ANXA7: variants seen among roughly 807,000 people sequenced by gnomAD.
ANXA7 encodes annexin A7, also known as annexin VII.
Under a neutral mutation model 64.9 loss-of-function variants are expected in ANXA7, and 55 were observed. The observed-to-expected ratio is 0.85, with a 90% CI of 0.68 to 1.06. The LOEUF (loss-of-function observed/expected upper bound fraction) is 1.06, where lower values mean the gene tolerates loss of function less well. Among genes scored for constraint, ANXA7 ranks in the 50% least tolerant of loss-of-function variants. ANXA7 has a pLI of 0.00. For synonymous variants in ANXA7, 200 were observed against 192.4 expected (o/e 1.04, Z -0.33); for missense variants, 548 against 582.1 (o/e 0.94, Z 0.60).
At chr10:73,393,611 G>C (rs2055521609) in intron 5 of ANXA7, among the ~76,000 whole-genome samples, 4 of 152,076 alleles carry the variant, frequency 2.6e-5, no homozygotes, top group Admixed American at 2.0e-4. Context: ...AATGGGGAAA[G>C]GATTCCCTAT....
intron 7 of ANXA7, among the ~76,000 whole-genome samples, chr10:73,384,432 C>T (rs564286551): frequency 4.1e-4 from 63 of 152,144 alleles, no homozygotes; most frequent in Admixed American, 9.2e-4. Context: ...GACAGAGTCT[C>T]GCTCTGTGGC....
intron 8 of ANXA7, 26 bp downstream of exon 8, chr10:73,383,551 T>C: frequency 6.5e-7 from 1 of 1,528,798 alleles, no homozygotes; most frequent in Non-Finnish European, 9.0e-7. Context: ...GACAAAATAT[T>C]CATAATAAAT....
chr10:73,400,293 A>G (rs180734282), intron 2 of ANXA7, among the ~76,000 whole-genome samples: 372 of 152,234 alleles, frequency 2.4e-3, no homozygotes, highest in African/African-American at 8.5e-3. Context: ...CTACAAATCC[A>G]CTGCAATTTA....
intron 5 of ANXA7, among the ~76,000 whole-genome samples, chr10:73,392,964 G>C (rs532785953): frequency 7.2e-5 from 11 of 152,280 alleles, no homozygotes; most frequent in African/African-American, 2.6e-4. Flanking sequence ...CATTGTCTCA[G>C]CCCAAAATCT....
chr10:73,391,170 TAAA>T (rs547724690), intron 5 of ANXA7, among the ~76,000 whole-genome samples: 4 of 132,910 alleles, frequency 3.0e-5, no homozygotes, highest in African/African-American at 2.8e-5. Flanking sequence ...CTCTGTCTCT[TAAA>T]AAAAAAAAAA....
At chr10:73,380,267 A>G (rs774105130) in intron 9 of ANXA7, 66 bp from the exon 10 acceptor site, 107 of 1,479,418 alleles carry the variant, frequency 7.2e-5, no homozygotes, top group Non-Finnish European at 9.6e-5. Flanking sequence ...TTTTTTTCCA[A>G]TCTAGTTCAC....
intron 5 of ANXA7, 129 bp downstream of exon 5, chr10:73,396,390 G>T: frequency 1.4e-6 from 1 of 702,352 alleles, no homozygotes; most frequent in Non-Finnish European, 2.5e-6. Context: ...GAGTCTATCA[G>T]AAGTAAAGAC....
chr10:73,409,462 C>T (rs1167843808), intron 1 of ANXA7, among the ~76,000 whole-genome samples: 1 of 152,044 alleles, frequency 6.6e-6, no homozygotes, highest in East Asian at 1.9e-4. Context: ...TATGCTTCAC[C>T]AAGGAGATGA....
intron 5 of ANXA7, chr10:73,396,048 C>T: frequency 6.3e-7 from 1 of 1,582,956 alleles, no homozygotes; most frequent in Middle Eastern, 1.7e-4. Context: ...ACTCACTTCA[C>T]TGCTATAATC....
intron 5 of ANXA7, among the ~76,000 whole-genome samples, chr10:73,389,780 C>G (rs1218773119): frequency 6.6e-6 from 1 of 152,180 alleles, no homozygotes; most frequent in Non-Finnish European, 1.5e-5. Flanking sequence ...CATGTGCCAC[C>G]ATGCCCAGCT....
At chr10:73,382,600 C>T (rs1262691474) in intron 9 of ANXA7, among the ~76,000 whole-genome samples, 1 of 152,166 alleles carries the variant, frequency 6.6e-6, no homozygotes, top group Non-Finnish European at 1.5e-5. Context: ...CCTGCCTTGG[C>T]CTCCAAAAGT....
chr10:73,387,648 C>G, intron 7 of ANXA7, 41 bp downstream of exon 7: 1 of 1,443,124 alleles, frequency 6.9e-7, no homozygotes, highest in Non-Finnish European at 9.8e-7. Flanking sequence ...GCAGAGTCTA[C>G]CAGCCACTGC....
At chr10:73,390,914 GT>G (rs1244324674) in intron 5 of ANXA7, among the ~76,000 whole-genome samples, 1 of 151,796 alleles carries the variant, frequency 6.6e-6, no homozygotes, top group African/African-American at 2.4e-5. Flanking sequence ...GCTCATGCCT[GT>G]AATCCCAGCA....
intron 3 of ANXA7, 45 bp downstream of exon 3, chr10:73,398,136 C>A: frequency 6.4e-7 from 1 of 1,566,152 alleles, no homozygotes; most frequent in South Asian, 1.1e-5. Flanking sequence ...GGAAAAAGTG[C>A]TACAGCAATC....
At chr10:73,405,157 C>T (rs2055733084) in intron 1 of ANXA7, among the ~76,000 whole-genome samples, 1 of 148,764 alleles carries the variant, frequency 6.7e-6, no homozygotes, top group East Asian at 2.0e-4. Context: ...GCAGGAGAAC[C>T]CCTTGAACCC....
chr10:73,407,359 G>A (rs1041500990), intron 1 of ANXA7, among the ~76,000 whole-genome samples: 2 of 152,204 alleles, frequency 1.3e-5, no homozygotes, highest in Non-Finnish European at 1.5e-5. Context: ...TTACAGGCGT[G>A]AGCCACTGTA....
rs183041795 is a variant in ANXA7 at position 73,382,007 on chromosome 10, T to C, written c.918+1168A>G. Among the ~76,000 whole-genome samples the C allele has an allele frequency of 7.8e-3, 1,180 of 152,170 alleles. 15 individuals are homozygous for C. The highest frequency in any genetic ancestry group is 0.027 in the African/African-American group (1,114 of 41,516). On this transcript the variant is annotated intron_variant, in intron 9 of 12. Coordinates refer to ENST00000372921, the MANE Select transcript of ANXA7 (RefSeq NM_001156.5). Reference sequence around the variant, plus strand: ...GATTCTGCTGCCTCAGCCTCCCAGGTAGCTGGGATTACAGGTGCCACCACT... The same window carrying C: ...GATTCTGCTGCCTCAGCCTCCCAGGCAGCTGGGATTACAGGTGCCACCACT...
At position 73,388,332 on chromosome 10, in the gene ANXA7, CGAA is replaced by C; in HGVS notation, c.515_517del (p.Leu172del). On this transcript the variant is annotated inframe_deletion, in exon 6 of 13. Coordinates refer to ENST00000372921, the MANE Select transcript of ANXA7 (RefSeq NM_001156.5). ...CTTACCAAAACCCTTCATTGCCTTA[CGAA>C]GAATTTCTGCATCTCTTATAGCATC... The C allele has an allele frequency of 6.2e-7, 1 of 1,613,764 alleles. No homozygotes were observed. The highest frequency in any genetic ancestry group is 2.2e-5 in the East Asian group (1 of 44,878).
intron 5 of ANXA7, among the ~76,000 whole-genome samples, chr10:73,390,689 G>T (rs1216427594): frequency 2.5e-5 from 3 of 120,618 alleles, no homozygotes; most frequent in African/African-American, 1.1e-4. Context: ...ATTCTCTTTT[G>T]TAAAATATAT....
Sources: gnomAD v4.1 joint callset for allele counts (sites outside exome capture counted in the v4.1 genomes callset) on GRCh38, gnomAD v4.1.1 for gene constraint, MANE v1.5 for transcripts, NCBI Gene and HGNC (gene_info 2026-07-23, HGNC 2026-07-21) for gene names.